The following SYBU variants were observed in gnomAD, a reference collection of about 807,000 sequenced individuals.
SYBU encodes the protein GOLSYN A protein.
In SYBU, 21 loss-of-function variants were observed where a neutral mutation model predicts 35.9. The observed-to-expected ratio is 0.58, with a 90% CI of 0.41 to 0.84. The LOEUF (loss-of-function observed/expected upper bound fraction) is 0.84. Ranked by LOEUF, SYBU falls within the 40% of genes least tolerant of loss-of-function variation. SYBU has a pLI of 0.00. For synonymous variants in SYBU, 319 were observed against 324.3 expected (o/e 0.98, Z 0.18); for missense variants, 768 against 848.2 (o/e 0.91, Z 1.17).
intron 1 of SYBU, among the ~76,000 whole-genome samples, chr8:109,653,180 A>G (rs1419526830): frequency 6.6e-6 from 1 of 152,158 alleles, no homozygotes; most frequent in Non-Finnish European, 1.5e-5. Context: ...ATTCCTAGGC[A>G]TCTATTTTAT....
rs192963903 is a variant in SYBU, at chr8:109,584,684, G to C, written c.530+1376C>G. ...GTTACAGGTTTGTCTGGCTTCAGCTGTATTTTTAATGATAAAACTGTGCCC... is the reference window on the plus strand; with the variant it reads ...GTTACAGGTTTGTCTGGCTTCAGCTCTATTTTTAATGATAAAACTGTGCCC... On this transcript the variant is annotated intron_variant, in intron 4 of 6. Transcript: ENST00000276646. This position sits in a 1 kb window ranked among gnomAD's most constrained non-coding sequence, Gnocchi z 4.0. Among the ~76,000 whole-genome samples the C allele has an allele frequency of 3.9e-5, 6 of 152,210 alleles. No individual in the cohort carries two copies. The highest frequency in any genetic ancestry group is 3.9e-4 in the Admixed American group (6 of 15,288).
chr8:109,622,650 T>C (rs1376475437), intron 2 of SYBU, among the ~76,000 whole-genome samples: 1 of 152,196 alleles, frequency 6.6e-6, no homozygotes, highest in African/African-American at 2.4e-5. Context: ...GAGATTTATT[T>C]ATTAAACCTG....
chr8:109,656,475 CTT>C, intron 1 of SYBU, among the ~76,000 whole-genome samples: 1 of 152,236 alleles, frequency 6.6e-6, no homozygotes, highest in East Asian at 1.9e-4. Context: ...TCATTTTTCT[CTT>C]TTAATTATGT....
intron 1 of SYBU, among the ~76,000 whole-genome samples, chr8:109,650,609 T>C (rs183012163): frequency 6.6e-6 from 1 of 152,278 alleles, no homozygotes; most frequent in African/African-American, 2.4e-5. Context: ...CCACTGTCCT[T>C]TATACCTGAA....
chr8:109,668,368 CT>C (rs1460419245), intron 1 of SYBU, among the ~76,000 whole-genome samples: 1 of 152,146 alleles, frequency 6.6e-6, no homozygotes, highest in African/African-American at 2.4e-5. Context: ...ACACCAACAA[CT>C]TCATCTGGTA....
chr8:109,618,211 A>G (rs1954713), intron 3 of SYBU, among the ~76,000 whole-genome samples: 13,653 of 152,256 alleles, frequency 0.09, 955 homozygotes, highest in East Asian at 0.36. Context: ...GAGATACAAA[A>G]TATTCATTTA....
At chr8:109,682,159 G>A (rs1248196601), upstream of SYBU, among the ~76,000 whole-genome samples, 1 of 152,180 alleles carries the variant, frequency 6.6e-6, no homozygotes, top group African/African-American at 2.4e-5. Flanking sequence ...GTGCTGCTAT[G>A]AGGATACCTG....
At chr8:109,615,743 T>C (rs1811662292) in intron 3 of SYBU, among the ~76,000 whole-genome samples, 1 of 152,074 alleles carries the variant, frequency 6.6e-6, no homozygotes, top group Non-Finnish European at 1.5e-5. Flanking sequence ...CAAAAGCGGT[T>C]GTTTGAGGCT....
intron 1 of SYBU, among the ~76,000 whole-genome samples, chr8:109,656,957 C>T (rs929108034): frequency 6.6e-6 from 1 of 152,004 alleles, no homozygotes; most frequent in Non-Finnish European, 1.5e-5. Flanking sequence ...ATATTTCTAG[C>T]TTTTAACTAT....
chr8:109,654,860 G>A (rs1038449204), intron 1 of SYBU, among the ~76,000 whole-genome samples: 1 of 152,130 alleles, frequency 6.6e-6, no homozygotes, highest in Non-Finnish European at 1.5e-5. Flanking sequence ...TGGAACCTAA[G>A]TCCTATCTGT....
intron 1 of SYBU, among the ~76,000 whole-genome samples, chr8:109,675,052 C>T (rs1241556915): frequency 1.3e-5 from 2 of 151,974 alleles, no homozygotes; most frequent in Non-Finnish European, 2.9e-5. Context: ...GGGTAAATAA[C>T]GAAATTAAGG....
At chr8:109,689,242 A>G (rs758471662) in intron 1 of SYBU, among the ~76,000 whole-genome samples, 4 of 152,220 alleles carry the variant, frequency 2.6e-5, no homozygotes, top group Non-Finnish European at 2.9e-5. Context: ...GTTATATCAT[A>G]TAACTACAGT....
In SYBU at chr8:109,624,762, A is replaced by G. The variant is rs114041736; in HGVS notation, c.230-5723T>C. Among the ~76,000 whole-genome samples the G allele has an allele frequency of 3.3e-3, 497 of 152,254 alleles. 2 individuals are homozygous for G. The highest frequency in any genetic ancestry group is 0.011 in the African/African-American group (451 of 41,544). ...GAAATATATAGAAAATAGAATAATG[A>G]GTTAAATTAGAGATTGGCAAACTGC... On this transcript the variant is annotated intron_variant, in intron 2 of 6. Coordinates refer to ENST00000276646, the MANE Select transcript of SYBU (RefSeq NM_001099754.2).
chr8:109,645,626 G>GTTTTTTTTTTTTTTTT (rs201121007), upstream of SYBU: 550 of 244,896 alleles, frequency 2.2e-3, 41 homozygotes, highest in African/African-American at 0.015. Context: ...TTGTTGTTTC[G>GTTTTTTTTTTTTTTTT]TTTTTTGTTT....
chr8:109,644,713 G>A lies in SYBU; in HGVS notation c.-54C>T. 1 of 1,458,798 alleles carries A rather than the reference G, an allele frequency of 6.9e-7. No homozygotes were observed. 90.4% of individuals were successfully genotyped at this position (1,458,798 alleles called of 1,614,324 possible). On this transcript the variant is annotated 5_prime_UTR_variant, in exon 1 of 7. Transcript: ENST00000276646. ...CGCCGCTGCCGCCGTCCAGGAGGAG[G>A]CACCTGCGAGCACGGAGCGAGGAGA...
chr8:109,633,573 C>A (rs1043242699), intron 2 of SYBU, among the ~76,000 whole-genome samples: 1 of 152,046 alleles, frequency 6.6e-6, no homozygotes. Context: ...CAGCAGTGGC[C>A]GGGGCACCAG....
Position 109,577,979 on chromosome 8 carries a change from C to G in SYBU, c.773G>C (p.Gly258Ala). Residue 258 changes from glycine (G) to alanine (A), a missense_variant, in exon 6 of 7, where the codon GGT becomes GCT. Physicochemically the swap from Gly to Ala is moderately conservative, Grantham distance 60. Transcript: ENST00000276646. Reference sequence around the variant, plus strand: ...CTGCTCTGGGTTTGGGGGTCTGACACCATGATTTTCACCGCAAGACATGTA... The same window carrying G: ...CTGCTCTGGGTTTGGGGGTCTGACAGCATGATTTTCACCGCAAGACATGTA... The part of the protein sequence containing the change: ...GRYMSCGENH[G>A]VRPPNPEQYL... The G allele has an allele frequency of 1.1e-5, 17 of 1,613,800 alleles. No individual in the cohort carries two copies. Among genetic ancestry groups the G allele is most frequent in the Non-Finnish European group, 1.4e-5 (16 of 1,179,882 alleles).
intron 5 of SYBU, 78 bp downstream of exon 5, chr8:109,579,721 C>CA: frequency 8.0e-7 from 1 of 1,253,422 alleles, no homozygotes; most frequent in Non-Finnish European, 1.1e-6. Context: ...AGTTGTATAA[C>CA]TTTTTTTTTT....
chr8:109,640,440 G>A (rs1268888428), intron 2 of SYBU, among the ~76,000 whole-genome samples: 2 of 152,038 alleles, frequency 1.3e-5, no homozygotes, highest in East Asian at 3.9e-4. Flanking sequence ...TTGATTACAG[G>A]GAGAGAATAC....
Sources: allele counts gnomAD v4.1 joint callset (sites outside exome capture counted in the v4.1 genomes callset), GRCh38; gene constraint gnomAD v4.1.1; non-coding constraint Gnocchi (gnomAD v3.1); transcripts MANE v1.5; gene names NCBI Gene and HGNC (gene_info 2026-07-23, HGNC 2026-07-21).